FMNL2: variants seen among roughly 807,000 people sequenced by gnomAD.
The protein encoded by FMNL2 is formin like 2, also known as formin-like protein 2.
FMNL2 carries 51 observed loss-of-function variants against 130.2 expected under a neutral mutation model. The ratio of observed to expected loss-of-function variants is 0.39; its 90% confidence interval spans 0.31 to 0.49. FMNL2 has a LOEUF of 0.49. Ranked by LOEUF, FMNL2 falls within the 20% of genes least tolerant of loss-of-function variation. FMNL2 has a pLI of 0.85. For synonymous variants in FMNL2, 465 were observed against 467.1 expected (o/e 1.00, Z 0.06); for missense variants, 977 against 1,316.2 (o/e 0.74, Z 3.99).
chr2:152,359,949 T>TCAACTAC (rs1683064470), intron 1 of FMNL2, among the ~76,000 whole-genome samples: 1 of 152,216 alleles, frequency 6.6e-6, no homozygotes, highest in Non-Finnish European at 1.5e-5. Flanking sequence ...AGGCACACAT[T>TCAACTAC]CAACTACTCT....
At chr2:152,390,418 G>C in intron 1 of FMNL2, 1 of 1,130,586 alleles carries the variant, frequency 8.8e-7, no homozygotes, top group Non-Finnish European at 1.4e-6. Flanking sequence ...TTGGTGTCCA[G>C]TGACCCTAAG....
At chr2:152,545,344 T>C (rs1335793596) in intron 3 of FMNL2, among the ~76,000 whole-genome samples, 1 of 152,218 alleles carries the variant, frequency 6.6e-6, no homozygotes, top group Non-Finnish European at 1.5e-5. Flanking sequence ...CCTTTAACTG[T>C]GTCTGGAGTC....
chr2:152,581,872 TC>T (rs1213499405), intron 9 of FMNL2, among the ~76,000 whole-genome samples: 11 of 152,308 alleles, frequency 7.2e-5, no homozygotes, highest in Non-Finnish European at 8.8e-5. Flanking sequence ...CCCATTTAAT[TC>T]CAAATGCTTT....
intron 6 of FMNL2, among the ~76,000 whole-genome samples, chr2:152,569,783 C>G (rs971528262): frequency 6.7e-6 from 1 of 150,118 alleles, no homozygotes; most frequent in Non-Finnish European, 1.5e-5. Context: ...TCAAGGTGGG[C>G]AGATCACTTG....
intron 1 of FMNL2, among the ~76,000 whole-genome samples, chr2:152,495,107 C>T (rs1006344888): frequency 3.3e-5 from 5 of 152,126 alleles, no homozygotes; most frequent in African/African-American, 9.7e-5. Flanking sequence ...TTGCTTACTA[C>T]TCCTATTATT....
At chr2:152,605,958 T>C (rs1280481664) in intron 9 of FMNL2, among the ~76,000 whole-genome samples, 1 of 152,216 alleles carries the variant, frequency 6.6e-6, no homozygotes, top group Non-Finnish European at 1.5e-5. Flanking sequence ...TTAACATAAT[T>C]ACTCATTTAT....
intron 5 of FMNL2, among the ~76,000 whole-genome samples, chr2:152,559,452 C>T (rs535575236): frequency 2.9e-4 from 44 of 152,148 alleles, no homozygotes; most frequent in Non-Finnish European, 4.3e-4. Context: ...TACAGGCACC[C>T]ACCACCATGC....
intron 1 of FMNL2, among the ~76,000 whole-genome samples, chr2:152,504,426 T>G (rs1431542570): frequency 6.6e-6 from 1 of 152,038 alleles, no homozygotes; most frequent in East Asian, 1.9e-4. Context: ...TTTTTATTTT[T>G]CGTAGAGATG....
intron 6 of FMNL2, among the ~76,000 whole-genome samples, chr2:152,566,549 A>C (rs941539964): frequency 3.3e-5 from 5 of 152,232 alleles, no homozygotes; most frequent in Admixed American, 1.3e-4. Flanking sequence ...AAGAGGCCTC[A>C]GCAAATTCTT....
chr2:152,560,899 G>A lies in FMNL2; in HGVS notation c.460G>A (p.Val154Met), dbSNP rs753417848. The change falls in exon 6 of 26, where the codon GTG (valine) becomes ATG (methionine). Residue 154 changes from valine (V) to methionine (M), a missense_variant. Val to Met is a conservative substitution (Grantham distance 21). Around this residue, in one of 4 missense-constraint regions of FMNL2, gnomAD observed 689 missense variants for 995.9 expected, o/e 0.69. Coordinates refer to ENST00000288670, the MANE Select transcript of FMNL2 (RefSeq NM_052905.4). ...TTGTTTTAGTTTTGACTTTGAAAGTGTGGAGAGTACTGTGGAGAGCTCGGT... is the reference window on the plus strand; with the variant it reads ...TTGTTTTAGTTTTGACTTTGAAAGTATGGAGAGTACTGTGGAGAGCTCGGT... ...QYAVTFDFES[V>M]ESTVESSVDK... 6.2e-7 allele frequency: 1 copy of A among 1,611,296 alleles called. No homozygotes were observed. The highest frequency in any genetic ancestry group is 1.1e-5 in the South Asian group (1 of 90,584).
At chr2:152,441,908 T>C (rs1389146401) in intron 1 of FMNL2, among the ~76,000 whole-genome samples, 2 of 151,708 alleles carry the variant, frequency 1.3e-5, no homozygotes, top group Non-Finnish European at 2.9e-5. Flanking sequence ...GAAATGAGAA[T>C]TGGTGGTGTG....
chr2:152,442,533 G>A (rs981542211), intron 1 of FMNL2, among the ~76,000 whole-genome samples: 36 of 152,132 alleles, frequency 2.4e-4, no homozygotes, highest in African/African-American at 8.2e-4. Context: ...ACAGGCGTGA[G>A]CCACCACACC....
Position 152,448,953 on chromosome 2 carries a change from A to C in FMNL2, c.118-72990A>C, listed in dbSNP as rs114165581. ...TAAGCCATGCACTTTGTGTTTGTCG[A>C]GAAGAAACCAAAAGACCTGTGCCTG... is the stretch of plus-strand genomic sequence containing the variant. On this transcript the variant is annotated intron_variant, in intron 1 of 25. Transcript: ENST00000288670. Among the ~76,000 whole-genome samples, 1,230 of 152,302 alleles carry C rather than the reference A, an allele frequency of 8.1e-3. 14 individuals carry two copies. The highest frequency in any genetic ancestry group is 0.025 in the African/African-American group (1,030 of 41,574).
intron 1 of FMNL2, among the ~76,000 whole-genome samples, chr2:152,491,559 C>T (rs2105284970): frequency 6.6e-6 from 1 of 152,344 alleles, no homozygotes; most frequent in Admixed American, 6.5e-5. Flanking sequence ...GCCAACTCCC[C>T]AAATTTTGCC....
intron 9 of FMNL2, among the ~76,000 whole-genome samples, chr2:152,601,028 T>C (rs756249794): frequency 6.6e-6 from 1 of 152,170 alleles, no homozygotes; most frequent in Non-Finnish European, 1.5e-5. Context: ...CGTTCAAGAA[T>C]ACTGAGGGAG....
At chr2:152,588,254 G>A (rs1341472281) in intron 9 of FMNL2, among the ~76,000 whole-genome samples, 1 of 152,168 alleles carries the variant, frequency 6.6e-6, no homozygotes, top group Non-Finnish European at 1.5e-5. Context: ...TAGATTCTTT[G>A]GCTTCCAGCC....
chr2:152,375,897 A>AATT (rs1553871973), intron 1 of FMNL2, among the ~76,000 whole-genome samples: 1 of 119,888 alleles, frequency 8.3e-6, no homozygotes, highest in African/African-American at 3.1e-5. Flanking sequence ...ATATATATAT[A>AATT]ATTATTATTA....
intron 1 of FMNL2, among the ~76,000 whole-genome samples, chr2:152,407,158 A>G (rs557618244): frequency 1.3e-5 from 2 of 151,284 alleles, no homozygotes; most frequent in African/African-American, 2.4e-5. Context: ...TTAAATTAAC[A>G]TCTTAAAGAA....
chr2:152,627,209 A>T (rs1409241408), intron 17 of FMNL2, among the ~76,000 whole-genome samples: 2 of 152,244 alleles, frequency 1.3e-5, no homozygotes, highest in Non-Finnish European at 2.9e-5. Context: ...AGATGCAAAT[A>T]TGATACAGAT....
Sources: gnomAD v4.1 joint callset for allele counts (sites outside exome capture counted in the v4.1 genomes callset) on GRCh38, gnomAD v4.1.1 for gene constraint, gnomAD v4.1.1 regional missense constraint, MANE v1.5 for transcripts, NCBI Gene and HGNC (gene_info 2026-07-23, HGNC 2026-07-21) for gene names.